The following MCTP1 variants were observed in gnomAD, a reference collection of about 807,000 sequenced individuals.
The protein encoded by MCTP1 is multiple C2 and transmembrane domain-containing protein 1.
Under a neutral mutation model 120.6 loss-of-function variants are expected in MCTP1, and 69 were observed. The ratio of observed to expected loss-of-function variants is 0.57; its 90% CI spans 0.47 to 0.70. The LOEUF (loss-of-function observed/expected upper bound fraction) is 0.70. MCTP1 is among the 30% of genes least tolerant of loss of function. MCTP1 has a pLI of 0.00. For synonymous variants in MCTP1, 529 were observed against 493.1 expected (o/e 1.07, Z -0.96); for missense variants, 1,203 against 1,248.8 (o/e 0.96, Z 0.55).
intron 1 of MCTP1, among the ~76,000 whole-genome samples, chr5:95,126,535 T>C (rs1758647823): frequency 6.6e-6 from 1 of 152,074 alleles, no homozygotes; most frequent in Non-Finnish European, 1.5e-5. Flanking sequence ...CCAAAATCAG[T>C]TTTTTTAGAC....
chr5:95,138,636 C>A (rs1759646243), intron 1 of MCTP1, among the ~76,000 whole-genome samples: 2 of 152,226 alleles, frequency 1.3e-5, no homozygotes, highest in South Asian at 4.2e-4. Context: ...AAGGAATGAC[C>A]CCCTCACAGA....
intron 1 of MCTP1, among the ~76,000 whole-genome samples, chr5:95,244,893 CGCCT>C (rs1030608954): frequency 6.6e-6 from 1 of 151,944 alleles, no homozygotes; most frequent in Non-Finnish European, 1.5e-5. Flanking sequence ...CCTCAAGTGT[CGCCT>C]GACTGGGAAA....
chr5:94,881,421 C>T (rs1446556889), intron 12 of MCTP1, among the ~76,000 whole-genome samples: 5 of 152,122 alleles, frequency 3.3e-5, no homozygotes, highest in African/African-American at 4.8e-5. Context: ...CTCTTTGGAC[C>T]TAAACCTTGG....
At chr5:95,118,170 T>C (rs1436925719) in intron 1 of MCTP1, among the ~76,000 whole-genome samples, 1 of 152,180 alleles carries the variant, frequency 6.6e-6, no homozygotes, top group African/African-American at 2.4e-5. Flanking sequence ...AATTTACCTA[T>C]GTAACAAACC....
chr5:94,937,791 A>C (rs1816563308), intron 5 of MCTP1, among the ~76,000 whole-genome samples: 1 of 152,024 alleles, frequency 6.6e-6, no homozygotes, highest in Non-Finnish European at 1.5e-5. Context: ...ACATCCCTTT[A>C]ATGTAAAAAT....
At chr5:94,785,129 C>T (rs1777402812) in intron 18 of MCTP1, among the ~76,000 whole-genome samples, 1 of 152,058 alleles carries the variant, frequency 6.6e-6, no homozygotes, top group African/African-American at 2.4e-5. Flanking sequence ...TCTTAAGTGT[C>T]AGCTTAATAT....
At chr5:94,840,250 C>T (rs1350510249) in intron 17 of MCTP1, among the ~76,000 whole-genome samples, 1 of 152,182 alleles carries the variant, frequency 6.6e-6, no homozygotes, top group South Asian at 2.1e-4. Flanking sequence ...ATGGAAGAAA[C>T]GGTAAAGAGA....
intron 2 of MCTP1, among the ~76,000 whole-genome samples, chr5:94,969,875 C>A (rs1826394636): frequency 6.6e-6 from 1 of 151,900 alleles, no homozygotes; most frequent in African/African-American, 2.4e-5. Context: ...TTTCCATAAG[C>A]TATTCTATTC....
intron 1 of MCTP1, among the ~76,000 whole-genome samples, chr5:95,121,048 G>A (rs1397714088): frequency 6.6e-6 from 1 of 152,076 alleles, no homozygotes; most frequent in Non-Finnish European, 1.5e-5. Context: ...TCAGGCCAAG[G>A]TGGGCGGATC....
intron 1 of MCTP1, among the ~76,000 whole-genome samples, chr5:95,128,458 G>C (rs1291197338): frequency 1.3e-5 from 2 of 152,228 alleles, no homozygotes; most frequent in African/African-American, 4.8e-5. Context: ...GTAGAATGTG[G>C]TATACATGTA....
chr5:94,804,726 C>T (rs1781950849), intron 17 of MCTP1, among the ~76,000 whole-genome samples: 2 of 152,194 alleles, frequency 1.3e-5, no homozygotes, highest in African/African-American at 4.8e-5. Context: ...GCGTGAGCCA[C>T]CACACCAGGC....
At chr5:95,004,414 A>G (rs1834280729) in intron 2 of MCTP1, among the ~76,000 whole-genome samples, 1 of 152,188 alleles carries the variant, frequency 6.6e-6, no homozygotes, top group Non-Finnish European at 1.5e-5. Context: ...GCATAAGAGG[A>G]GCTGAATGTT....
At chr5:94,983,641 A>ATCTG (rs34341526) in intron 2 of MCTP1, among the ~76,000 whole-genome samples, 6,261 of 150,706 alleles carry the variant, frequency 0.042, 267 homozygotes, top group East Asian at 0.088. Flanking sequence ...TCCTATCTTT[A>ATCTG]TCTGTCTGTC....
chr5:94,744,962 G>A (rs1286160954), intron 19 of MCTP1, among the ~76,000 whole-genome samples: 1 of 152,152 alleles, frequency 6.6e-6, no homozygotes, highest in Non-Finnish European at 1.5e-5. Flanking sequence ...CAAGTCCAAG[G>A]GCACAGCCTT....
chr5:94,726,426 G>T (rs970749630), intron 19 of MCTP1, among the ~76,000 whole-genome samples: 1 of 152,244 alleles, frequency 6.6e-6, no homozygotes, highest in African/African-American at 2.4e-5. Context: ...CTGAATCAGC[G>T]CCAGAGTTAT....
chr5:94,937,856 A>T (rs1816593259), intron 5 of MCTP1, among the ~76,000 whole-genome samples: 1 of 152,048 alleles, frequency 6.6e-6, no homozygotes, highest in Admixed American at 6.6e-5. Context: ...CTGCTATATC[A>T]TCCCAATCTC....
At chr5:95,058,274 A>C (rs1191353511) in intron 1 of MCTP1, among the ~76,000 whole-genome samples, 1 of 152,260 alleles carries the variant, frequency 6.6e-6, no homozygotes, top group Non-Finnish European at 1.5e-5. Flanking sequence ...ACTGCAGAAG[A>C]ATACATTCCT....
intron 17 of MCTP1, among the ~76,000 whole-genome samples, chr5:94,834,341 C>T (rs1789206295): frequency 1.3e-5 from 2 of 152,204 alleles, no homozygotes; most frequent in Non-Finnish European, 2.9e-5. Context: ...CCATATATCA[C>T]TCTACATAAC....
intron 13 of MCTP1, among the ~76,000 whole-genome samples, chr5:94,872,740 C>A (rs916337624): frequency 2.0e-5 from 3 of 151,980 alleles, no homozygotes; most frequent in Non-Finnish European, 2.9e-5. Flanking sequence ...AAGCATCTGC[C>A]GAATTCGAGA....
Sources: gnomAD v4.1 joint callset for allele counts (sites outside exome capture counted in the v4.1 genomes callset) on GRCh38, gnomAD v4.1.1 for gene constraint, MANE v1.5 for transcripts, NCBI Gene and HGNC (gene_info 2026-07-23, HGNC 2026-07-21) for gene names.